Variants in SULT6B1 observed in about 807,000 individuals in gnomAD.
SULT6B1 encodes the protein sulfotransferase family 6B member 1, also known as sulfotransferase 6B1.
A neutral mutation model predicts 37.2 loss-of-function variants in SULT6B1; 44 were observed. The ratio of observed to expected loss-of-function variants is 1.18; its 90% CI spans 0.93 to 1.52. The LOEUF (loss-of-function observed/expected upper bound fraction) is 1.52, where lower values mean the gene tolerates loss of function less well. Among genes scored for constraint, SULT6B1 ranks in the 40% most tolerant of loss-of-function variants. SULT6B1 has a pLI of 0.00. For synonymous variants in SULT6B1, 140 were observed against 126.0 expected (o/e 1.11, Z -0.74); for missense variants, 450 against 361.0 (o/e 1.25, Z -2.00).
At chr2:37,180,575 G>T (rs1469105470) in intron 3 of SULT6B1, among the ~76,000 whole-genome samples, 2 of 152,150 alleles carry the variant, frequency 1.3e-5, no homozygotes. Context: ...AGAATCAGGA[G>T]CAGTTAGGCA....
upstream of SULT6B1, among the ~76,000 whole-genome samples, chr2:37,191,568 T>C (rs1676779512): frequency 6.6e-6 from 1 of 152,128 alleles, no homozygotes; most frequent in Non-Finnish European, 1.5e-5. Context: ...AGATCGCAAG[T>C]TCTTGTCCTG....
At chr2:37,169,770 G>A (rs1489034675) in intron 6 of SULT6B1, among the ~76,000 whole-genome samples, 2 of 152,194 alleles carry the variant, frequency 1.3e-5, no homozygotes, top group South Asian at 2.1e-4. Flanking sequence ...TGGGATTACA[G>A]GCATGAGCCA....
intron 2 of SULT6B1, among the ~76,000 whole-genome samples, chr2:37,184,757 G>A (rs942881124): frequency 4.6e-5 from 7 of 152,028 alleles, no homozygotes; most frequent in Non-Finnish European, 8.8e-5. Context: ...ACTTGAACCC[G>A]GGAGGCGGAT....
At chr2:37,193,645 GAAGAAGGAGA>G (rs1676832946), upstream of SULT6B1, among the ~76,000 whole-genome samples, 1 of 150,902 alleles carries the variant, frequency 6.6e-6, no homozygotes, top group African/African-American at 2.4e-5. Flanking sequence ...AGAAGAAGAA[GAAGAAGGAGA>G]AGAAGGAGAA....
chr2:37,191,246 A>AT (rs571974421), upstream of SULT6B1: 13 of 107,518 alleles, frequency 1.2e-4, no homozygotes, highest in East Asian at 2.8e-3. Flanking sequence ...AGGCCATGGC[A>AT]TTTTTCACTG....
rs560032713 is a variant in SULT6B1 at position 37,171,013 on chromosome 2, C to T, written c.781+421G>A. Among the ~76,000 whole-genome samples, 63 of 152,062 alleles carry T rather than the reference C, an allele frequency of 4.1e-4. 1 individual carries two copies. Among genetic ancestry groups the T allele is most frequent in the African/African-American group, 1.3e-3 (54 of 41,484 alleles). On this transcript the variant is annotated intron_variant, in intron 6 of 6. Coordinates refer to ENST00000535679, the MANE Select transcript of SULT6B1 (RefSeq NM_001367551.1). ...CAGCACTTCGGGAGGCCAAGGCGGG[C>T]GGATCACAAGTTCAGGAGATCAAGA...
At chr2:37,173,677 C>G (rs151295748) in intron 5 of SULT6B1, among the ~76,000 whole-genome samples, 8 of 152,304 alleles carry the variant, frequency 5.3e-5, no homozygotes, top group South Asian at 2.1e-4. Flanking sequence ...TGACTTCTCT[C>G]CTTGTCTTGC....
upstream of SULT6B1, among the ~76,000 whole-genome samples, chr2:37,192,281 A>T (rs1179638922): frequency 1.3e-5 from 2 of 152,212 alleles, no homozygotes; most frequent in Non-Finnish European, 2.9e-5. Flanking sequence ...AATTGAGGAA[A>T]TTCTATATGT....
chr2:37,187,592 C>T (rs1676702879), intron 1 of SULT6B1, 125 bp from the exon 2 acceptor site: 2 of 498,258 alleles, frequency 4.0e-6, no homozygotes, highest in Non-Finnish European at 6.9e-6. Flanking sequence ...ATATTTAGTT[C>T]TTCTGTCTTT....
At chr2:37,194,829 C>A (rs751400345) in intron 1 of SULT6B1, 1 of 151,880 alleles carries the variant, frequency 6.6e-6, no homozygotes, top group African/African-American at 2.4e-5. Flanking sequence ...ATTCCAATGA[C>A]CTTTTCTTCT....
In SULT6B1 at chr2:37,183,395, A is replaced by G. The variant is rs748316903; in HGVS notation, c.402+30T>C. ...ACTAATATCTATACATAGAAATTTC[A>G]AAGAATTATCAGTAGGAAAGGACAC... On this transcript the variant is annotated intron_variant, in intron 3 of 6. Transcript: ENST00000535679. 3.8e-6 allele frequency: 6 copies of G among 1,562,728 alleles called. No homozygotes were observed. The East Asian group carries it at 9.0e-5, about 23-fold the overall frequency.
intron 6 of SULT6B1, 66 bp downstream of exon 6, chr2:37,171,368 G>T: frequency 6.5e-7 from 1 of 1,537,612 alleles, no homozygotes; most frequent in South Asian, 1.3e-5. Flanking sequence ...AAGTTATTTG[G>T]ATTACCTGTT....
intron 3 of SULT6B1, among the ~76,000 whole-genome samples, chr2:37,179,864 C>G (rs1485033686): frequency 6.6e-6 from 1 of 152,110 alleles, no homozygotes; most frequent in Non-Finnish European, 1.5e-5. Context: ...GAAAAAAAGA[C>G]CAAGCTCACT....
chr2:37,172,751 AC>A (rs1676332848), intron 5 of SULT6B1, among the ~76,000 whole-genome samples: 1 of 152,000 alleles, frequency 6.6e-6, no homozygotes, highest in South Asian at 2.1e-4. Flanking sequence ...CAAGTGATCC[AC>A]CCGCCTTGGC....
At chr2:37,191,224 C>CTATG (rs1013312949), upstream of SULT6B1, 3 of 128,780 alleles carry the variant, frequency 2.3e-5, no homozygotes, top group Admixed American at 2.8e-4. Flanking sequence ...TCTTTACCTG[C>CTATG]TATGAGAAAC....
At chr2:37,177,457 A>AATACAGC (rs150799975) in intron 4 of SULT6B1, among the ~76,000 whole-genome samples, 39,351 of 148,780 alleles carry the variant, frequency 0.26, 6,346 homozygotes, top group East Asian at 0.78. Flanking sequence ...AAAAGAGAAG[A>AATACAGC]ATACAGCATG....
chr2:37,194,931 TCC>T, intron 1 of SULT6B1, among the ~76,000 whole-genome samples: 1 of 84,108 alleles, frequency 1.2e-5, no homozygotes, highest in Non-Finnish European at 2.5e-5. Flanking sequence ...CTTCCTTCCT[TCC>T]TTCCTTCCTT....
intron 5 of SULT6B1, among the ~76,000 whole-genome samples, 174 bp downstream of exon 5, chr2:37,174,958 C>G (rs1046270371): frequency 6.6e-6 from 1 of 152,116 alleles, no homozygotes; most frequent in Non-Finnish European, 1.5e-5. Context: ...GTTAAATAAA[C>G]AACCTAAGCA....
At chr2:37,177,411 C>CAAAAAAAAAAAAAAAA (rs57205863) in intron 4 of SULT6B1, among the ~76,000 whole-genome samples, 27 of 76,248 alleles carry the variant, frequency 3.5e-4, no homozygotes, top group South Asian at 5.3e-4. Context: ...AATCTTGTCT[C>CAAAAAAAAAAAAAAAA]AAAAAAAAAA....
Sources: gnomAD v4.1 joint callset for allele counts (sites outside exome capture counted in the v4.1 genomes callset) on GRCh38, gnomAD v4.1.1 for gene constraint, MANE v1.5 for transcripts, NCBI Gene and HGNC (gene_info 2026-07-23, HGNC 2026-07-21) for gene names.